The following FAT3 variants were observed in gnomAD, a reference collection of about 807,000 sequenced individuals.
FAT3 encodes protocadherin Fat 3.
A neutral mutation model predicts 310.2 loss-of-function variants in FAT3; 95 were observed. That is an observed-to-expected ratio of 0.31 (90% CI 0.26 to 0.36). FAT3 has a LOEUF of 0.36. Among genes scored for constraint, FAT3 ranks in the 10% least tolerant of loss-of-function variants. The pLI, the probability that FAT3 is intolerant of heterozygous loss-of-function variation, is 1.00. For synonymous variants in FAT3, 2,314 were observed against 2,192.9 expected, an observed-to-expected ratio of 1.06 and a Z score of -1.54; for missense variants, 5,408 against 5,715.6, an observed-to-expected ratio of 0.95 and a Z score of 1.74.
At chr11:92,520,178 T>C (rs1953635608) in intron 2 of FAT3, among the ~76,000 whole-genome samples, 1 of 152,062 alleles carries the variant, frequency 6.6e-6, no homozygotes, top group Non-Finnish European at 1.5e-5. Flanking sequence ...ACTATTGTTA[T>C]ACACAAAATA....
intron 2 of FAT3, 135 bp downstream of exon 2, chr11:92,355,539 A>G: frequency 1.2e-6 from 1 of 803,888 alleles, no homozygotes; most frequent in Non-Finnish European, 1.9e-6. Context: ...CGACGCACAT[A>G]GATGCTTTTT....
Position 92,798,196 on chromosome 11 carries a change from C to T in FAT3, c.5183C>T (p.Ala1728Val), listed in dbSNP as rs781755472. Reference protein sequence around the residue: ...PYSGVITTQKALDYERTSSYQ... With the variant: ...PYSGVITTQKVLDYERTSSYQ... ...TCTGGAGTCATCACCACTCAGAAGG[C>T]CCTGGATTATGAGCGCACATCCTCT... The change falls in exon 10 of 28, where the codon GCC becomes GTC. Residue 1728 changes from alanine (A) to valine (V), a missense_variant. Transcript: ENST00000525166. The T allele has an allele frequency of 3.1e-6, 5 of 1,613,894 alleles. No individual in the cohort carries two copies. Among genetic ancestry groups the T allele is most frequent in the Non-Finnish European group, 4.2e-6 (5 of 1,179,836 alleles).
intron 3 of FAT3, among the ~76,000 whole-genome samples, chr11:92,600,559 A>G (rs1939966351): frequency 6.6e-6 from 1 of 152,194 alleles, no homozygotes; most frequent in Admixed American, 6.5e-5. Context: ...ATTGTACATT[A>G]ACTCATTTAT....
At chr11:92,742,984 A>T (rs1386083667) in intron 4 of FAT3, among the ~76,000 whole-genome samples, 1 of 152,218 alleles carries the variant, frequency 6.6e-6, no homozygotes, top group East Asian at 1.9e-4. Flanking sequence ...ATACTACAGG[A>T]TCTTGTATGT....
intron 23 of FAT3, among the ~76,000 whole-genome samples, chr11:92,882,381 G>A (rs888399376): frequency 1.3e-5 from 2 of 152,090 alleles, no homozygotes; most frequent in Admixed American, 6.6e-5. Flanking sequence ...CTGCTCCCGC[G>A]GATTTGGAGT....
At chr11:92,324,299 T>G (rs953504416) in intron 1 of FAT3, among the ~76,000 whole-genome samples, 1 of 152,234 alleles carries the variant, frequency 6.6e-6, no homozygotes, top group Non-Finnish European at 1.5e-5. Context: ...ATCTTGGCTT[T>G]CAACATGCCT....
intron 13 of FAT3, among the ~76,000 whole-genome samples, chr11:92,822,210 T>C (rs943962155): frequency 1.3e-5 from 2 of 151,880 alleles, no homozygotes; most frequent in Non-Finnish European, 2.9e-5. Context: ...TTTAGCACAG[T>C]CCCCCATTAG....
intron 2 of FAT3, among the ~76,000 whole-genome samples, chr11:92,474,553 A>G (rs1256117761): frequency 6.6e-6 from 1 of 152,110 alleles, no homozygotes; most frequent in Non-Finnish European, 1.5e-5. Flanking sequence ...CAAGATGCTC[A>G]GGGTGCAGTG....
intron 3 of FAT3, among the ~76,000 whole-genome samples, chr11:92,581,445 C>T (rs1746981289): frequency 6.6e-6 from 1 of 152,050 alleles, no homozygotes; most frequent in African/African-American, 2.4e-5. Context: ...CACCTCCTTA[C>T]TCTCATTTTT....
At chr11:92,275,580 G>A (rs1387494577) in intron 1 of FAT3, among the ~76,000 whole-genome samples, 4 of 151,692 alleles carry the variant, frequency 2.6e-5, no homozygotes, top group African/African-American at 7.3e-5. Context: ...ACACCTATCT[G>A]CCCTTCAAAG....
intron 3 of FAT3, among the ~76,000 whole-genome samples, chr11:92,605,744 A>C (rs1333272273): frequency 6.1e-5 from 2 of 32,680 alleles, no homozygotes; most frequent in South Asian, 5.8e-4. Context: ...TTTTTTTTTT[A>C]CAAATGAGAT....
At chr11:92,793,441 ACATCATTGGAGG>A (rs1257186251) in intron 9 of FAT3, among the ~76,000 whole-genome samples, 1 of 152,166 alleles carries the variant, frequency 6.6e-6, no homozygotes, top group Admixed American at 6.5e-5. Flanking sequence ...GCACAAATTC[ACATCATTGGAGG>A]CAACCTGAGT....
intron 4 of FAT3, among the ~76,000 whole-genome samples, chr11:92,704,070 G>A (rs1944186526): frequency 6.6e-6 from 1 of 152,174 alleles, no homozygotes; most frequent in Non-Finnish European, 1.5e-5. Context: ...ATATCCATCA[G>A]CTTATTGAAA....
intron 1 of FAT3, among the ~76,000 whole-genome samples, chr11:92,261,200 A>G (rs1157235797): frequency 4.6e-5 from 7 of 152,086 alleles, no homozygotes; most frequent in Non-Finnish European, 7.4e-5. Flanking sequence ...CACAGGAGGA[A>G]TTTTAGAACA....
intron 4 of FAT3, among the ~76,000 whole-genome samples, chr11:92,731,797 AGTTT>A (rs899520501): frequency 6.6e-6 from 1 of 151,968 alleles, no homozygotes; most frequent in Non-Finnish European, 1.5e-5. Context: ...CTAACACAAA[AGTTT>A]GTTTGTTTGC....
chr11:92,820,267 A>C (rs1442090036), intron 13 of FAT3, among the ~76,000 whole-genome samples: 1 of 152,128 alleles, frequency 6.6e-6, no homozygotes, highest in Admixed American at 6.5e-5. Flanking sequence ...GTTTGTAGAC[A>C]GCTCCTTCTC....
rs1380076570 is a variant in FAT3 at position 92,894,335 on chromosome 11, A to G, written c.*3222A>G. 6.6e-6 allele frequency: 1 copy of G among 152,232 alleles called. No individual in the cohort carries two copies. The highest frequency in any genetic ancestry group is 6.5e-5 in the Admixed American group (1 of 15,282). The allele number at this position is 152,232 out of a possible 1,614,324, so 9.4% of individuals were successfully genotyped here. Reference sequence around the variant, plus strand: ...TCAGTTGTAGTGAAACTTTGATTATACTGTTACCTACTGGTTGCATTTTTG... The same window carrying G: ...TCAGTTGTAGTGAAACTTTGATTATGCTGTTACCTACTGGTTGCATTTTTG... On this transcript the variant is annotated 3_prime_UTR_variant, in exon 28 of 28. Coordinates refer to ENST00000525166, the MANE Select transcript of FAT3 (RefSeq NM_001367949.2).
At chr11:92,411,770 C>A (rs978119016) in intron 2 of FAT3, among the ~76,000 whole-genome samples, 3 of 151,724 alleles carry the variant, frequency 2.0e-5, no homozygotes, top group Non-Finnish European at 4.4e-5. Context: ...AATCTAAATT[C>A]ATCGTGTCTT....
intron 1 of FAT3, among the ~76,000 whole-genome samples, chr11:92,308,516 G>A (rs1008555281): frequency 6.6e-6 from 1 of 152,142 alleles, no homozygotes; most frequent in Non-Finnish European, 1.5e-5. Context: ...TACTATGAAA[G>A]TTATTGTGCA....
Sources: gnomAD v4.1 joint callset for allele counts (sites outside exome capture counted in the v4.1 genomes callset) on GRCh38, gnomAD v4.1.1 for gene constraint, MANE v1.5 for transcripts, NCBI Gene and HGNC (gene_info 2026-07-23, HGNC 2026-07-21) for gene names.